Variants in RHBDD1 observed in about 807,000 individuals in gnomAD.
RHBDD1 encodes rhomboid-related protein 4.
RHBDD1 carries 38 observed loss-of-function variants against 36.3 expected under a neutral mutation model. The ratio of observed to expected loss-of-function variants is 1.05; its 90% CI spans 0.81 to 1.37. The LOEUF (loss-of-function observed/expected upper bound fraction) is 1.37, where lower values mean the gene tolerates loss of function less well. Ranked by LOEUF, RHBDD1 falls within the 40% of genes most tolerant of loss-of-function variation. The pLI is 0.00. For missense variants in RHBDD1, 393 were observed against 377.6 expected (o/e 1.04, Z -0.34); for synonymous variants, 151 against 136.5 (o/e 1.11, Z -0.74).
chr2:226,865,196 T>A, intron 4 of RHBDD1, 70 bp downstream of exon 4: 1 of 1,209,546 alleles, frequency 8.3e-7, no homozygotes, highest in Non-Finnish European at 1.2e-6. Flanking sequence ...TGTCATTTTA[T>A]GAAGTGTGGG....
chr2:226,843,995 C>T (rs1941948681), intron 3 of RHBDD1, among the ~76,000 whole-genome samples: 2 of 152,044 alleles, frequency 1.3e-5, no homozygotes, highest in African/African-American at 2.4e-5. Context: ...CTTCCTGGTT[C>T]AGTCTTGGGA....
At chr2:226,994,582 A>G (rs1404352662) in intron 8 of RHBDD1, among the ~76,000 whole-genome samples, 1 of 152,186 alleles carries the variant, frequency 6.6e-6, no homozygotes, top group Non-Finnish European at 1.5e-5. Context: ...TTTGGTCCCC[A>G]TGCTTAGAAG....
chr2:226,945,163 T>TATC (rs1180026911), intron 8 of RHBDD1, among the ~76,000 whole-genome samples: 12 of 149,418 alleles, frequency 8.0e-5, no homozygotes, highest in African/African-American at 2.7e-4. Context: ...TTATTATTAT[T>TATC]ATTATTATTA....
intron 8 of RHBDD1, among the ~76,000 whole-genome samples, chr2:226,924,553 A>G (rs911036252): frequency 8.5e-5 from 13 of 152,164 alleles, no homozygotes; most frequent in Non-Finnish European, 1.3e-4. Flanking sequence ...CCCCAGGTCC[A>G]CTGGCTCTGA....
At position 226,995,536 on chromosome 2, in the gene RHBDD1, G is replaced by A. The variant is rs1056104862; in HGVS notation, c.*14G>A. The A allele has an allele frequency of 6.4e-7, 1 of 1,557,350 alleles. No homozygotes were observed. Among genetic ancestry groups the A allele is most frequent in the Non-Finnish European group, 8.8e-7 (1 of 1,131,444 alleles). ...GATAGCCAGTGAGGTGGCATCTTGGGAAGACATGGCCTATTCGTGTAATTA... is the reference window on the plus strand; with the variant it reads ...GATAGCCAGTGAGGTGGCATCTTGGAAAGACATGGCCTATTCGTGTAATTA... On this transcript the variant is annotated 3_prime_UTR_variant, in exon 9 of 9. Coordinates refer to ENST00000392062, the MANE Select transcript of RHBDD1 (RefSeq NM_001167608.3).
intron 3 of RHBDD1, among the ~76,000 whole-genome samples, chr2:226,857,634 A>G (rs1391095583): frequency 6.6e-6 from 1 of 152,222 alleles, no homozygotes; most frequent in East Asian, 1.9e-4. Flanking sequence ...TACAACATGG[A>G]TGAACTATGA....
At chr2:226,966,040 G>T (rs1247433576) in intron 8 of RHBDD1, among the ~76,000 whole-genome samples, 1 of 152,112 alleles carries the variant, frequency 6.6e-6, no homozygotes, top group Non-Finnish European at 1.5e-5. Context: ...GATCAAGTAG[G>T]CATCATTCCT....
chr2:226,948,010 G>A (rs1396791954), intron 8 of RHBDD1, among the ~76,000 whole-genome samples: 4 of 152,242 alleles, frequency 2.6e-5, no homozygotes, highest in Admixed American at 6.5e-5. Context: ...TCAGTGTGGC[G>A]ATTCCTCAGG....
At chr2:226,952,293 G>T (rs1425723642) in intron 8 of RHBDD1, among the ~76,000 whole-genome samples, 2 of 71,216 alleles carry the variant, frequency 2.8e-5, no homozygotes, top group South Asian at 4.8e-4. Context: ...TTTTGGTTTG[G>T]TTTTTTTTTT....
At chr2:226,837,901 G>A (rs985556441) in intron 1 of RHBDD1, 172 bp from the exon 2 acceptor site, 6 of 152,298 alleles carry the variant, frequency 3.9e-5, no homozygotes, top group Admixed American at 3.9e-4. Context: ...GAAAGCCAAG[G>A]CTGAATATGT....
intron 8 of RHBDD1, among the ~76,000 whole-genome samples, chr2:226,985,820 T>A (rs1029399821): frequency 3.9e-5 from 6 of 152,216 alleles, no homozygotes; most frequent in African/African-American, 1.2e-4. Context: ...TATATCCTAC[T>A]CATGCCCAAG....
rs1401098920 is a variant in RHBDD1, at chr2:226,997,477, C to G, written c.*1955C>G. ...ATTGTGAATGACTCTGTAATGAGGCCTGAGTCTTAGTTATCTTTCCACTCA... is the reference window on the plus strand; with the variant it reads ...ATTGTGAATGACTCTGTAATGAGGCGTGAGTCTTAGTTATCTTTCCACTCA... On this transcript the variant is annotated 3_prime_UTR_variant, in exon 9 of 9. Transcript: ENST00000392062. The G allele has an allele frequency of 6.6e-6, 1 of 152,204 alleles. No individual in the cohort carries two copies. Among genetic ancestry groups the G allele is most frequent in the Non-Finnish European group, 1.5e-5 (1 of 68,040 alleles). 9.4% of individuals were successfully genotyped at this position (152,204 alleles called of 1,614,324 possible). A position where few individuals can be genotyped will look rare whatever the true frequency, so the allele number is the denominator to read the frequency against.
chr2:226,905,823 C>T (rs547523515), intron 5 of RHBDD1, among the ~76,000 whole-genome samples: 1 of 152,204 alleles, frequency 6.6e-6, no homozygotes, highest in East Asian at 1.9e-4. Flanking sequence ...GTATGAGAGG[C>T]ATTACAAACG....
chr2:226,943,518 A>G (rs1242770344), intron 8 of RHBDD1, among the ~76,000 whole-genome samples: 1 of 152,186 alleles, frequency 6.6e-6, no homozygotes, highest in Non-Finnish European at 1.5e-5. Flanking sequence ...GCGTGATGCT[A>G]AAATAAAATG....
At chr2:226,945,542 C>G (rs1225116008) in intron 8 of RHBDD1, among the ~76,000 whole-genome samples, 1 of 152,134 alleles carries the variant, frequency 6.6e-6, no homozygotes, top group East Asian at 1.9e-4. Context: ...GCCACATTTT[C>G]TTTATCCAGC....
intron 8 of RHBDD1, among the ~76,000 whole-genome samples, chr2:226,946,331 G>A (rs986185387): frequency 6.6e-6 from 1 of 151,980 alleles, no homozygotes; most frequent in Non-Finnish European, 1.5e-5. Flanking sequence ...TTTTTGTCAA[G>A]TTTGTCAAAG....
chr2:226,883,350 T>A (rs1257331512), intron 5 of RHBDD1, among the ~76,000 whole-genome samples: 1 of 152,080 alleles, frequency 6.6e-6, no homozygotes, highest in Non-Finnish European at 1.5e-5. Context: ...TACACAGAGG[T>A]GGAATTAAAC....
At chr2:226,803,005 A>G in the RHBDD1 span, among the ~76,000 whole-genome samples, 4 of 152,248 alleles carry the variant, frequency 2.6e-5, no homozygotes, top group African/African-American at 9.6e-5. Flanking sequence ...ACATTTCAAA[A>G]TTATAAAACA....
At chr2:226,808,992 TTA>T in the RHBDD1 span, among the ~76,000 whole-genome samples, 2 of 152,238 alleles carry the variant, frequency 1.3e-5, no homozygotes, top group Non-Finnish European at 2.9e-5. Context: ...TTTCAGGTGC[TTA>T]TTGATCCTCC....
Sources: gnomAD v4.1 joint callset for allele counts (sites outside exome capture counted in the v4.1 genomes callset) on GRCh38, gnomAD v4.1.1 for gene constraint, MANE v1.5 for transcripts, NCBI Gene and HGNC (gene_info 2026-07-23, HGNC 2026-07-21) for gene names.